Variants in ENPEP observed in about 807,000 individuals in gnomAD.
ENPEP encodes the protein glutamyl aminopeptidase, also known as AP-A.
A neutral mutation model predicts 114.5 loss-of-function variants in ENPEP; 103 were observed. The observed-to-expected ratio is 0.90, with a 90% CI of 0.77 to 1.06. The LOEUF (loss-of-function observed/expected upper bound fraction) is 1.06, where lower values mean the gene tolerates loss of function less well. Ranked by LOEUF, ENPEP falls within the 50% of genes least tolerant of loss-of-function variation. The pLI is 0.00. For missense variants in ENPEP, 1,196 were observed against 1,161.3 expected (o/e 1.03, Z -0.43); for synonymous variants, 420 against 422.0 (o/e 1.00, Z 0.06).
intron 18 of ENPEP, chr4:110,559,060 G>T (rs957494760): frequency 3.3e-5 from 5 of 152,404 alleles, no homozygotes; most frequent in African/African-American, 1.2e-4. Flanking sequence ...AAGGGCATGT[G>T]TGGGTAATTA....
rs750467613 is a variant in ENPEP at position 110,562,270 on chromosome 4, A to G, written c.*712A>G. On this transcript the variant is annotated 3_prime_UTR_variant, in exon 20 of 20. Transcript: ENST00000265162. The stretch of plus-strand genomic sequence containing the variant: ...TAAAAATAACTGCAGTGTTCCCCAA[A>G]TAATTTAACACATTGCAAATATGAT... The G allele has an allele frequency of 1.3e-5, 2 of 152,164 alleles. No individual in the cohort carries two copies. The highest frequency in any genetic ancestry group is 2.9e-5 in the Non-Finnish European group (2 of 68,004). 9.4% of individuals were successfully genotyped at this position (152,164 alleles called of 1,614,324 possible).
chr4:110,493,448 G>A (rs1724801104), intron 3 of ENPEP, among the ~76,000 whole-genome samples: 1 of 152,150 alleles, frequency 6.6e-6, no homozygotes, highest in South Asian at 2.1e-4. Flanking sequence ...ATCAACAGAA[G>A]CCAAATTCCC....
chr4:110,497,534 A>T (rs1578395571), intron 3 of ENPEP, among the ~76,000 whole-genome samples: 1 of 152,266 alleles, frequency 6.6e-6, no homozygotes, highest in East Asian at 1.9e-4. Context: ...TACTGCAGTA[A>T]TAATCACTAA....
Position 110,476,975 on chromosome 4 carries a change from C to A in ENPEP, c.561C>A (p.Leu187=). 6.2e-7 allele frequency: 1 copy of A among 1,614,204 alleles called. No individual in the cohort carries two copies. Among genetic ancestry groups the A allele is most frequent in the Non-Finnish European group, 8.5e-7 (1 of 1,180,034 alleles). The change falls in exon 1 of 20, where the codon CTC becomes CTA. Residue 187 remains leucine, a synonymous_variant. Transcript: ENST00000265162. ...CCAGCAGTGGAGATGGCCTGTATCT[C>A]CTGACCATGGAGTTCGCCGGCTGGC... is the stretch of plus-strand genomic sequence containing the variant. ...LTPSSGDGLY[L]LTMEFAGWLN... is the part of the protein sequence containing the mutation.
chr4:110,498,441 A>G (rs991315432), intron 3 of ENPEP, among the ~76,000 whole-genome samples: 3 of 152,180 alleles, frequency 2.0e-5, no homozygotes, highest in African/African-American at 7.2e-5. Context: ...TAGAGTGACC[A>G]TATAATTTAT....
rs943597235 is a variant in ENPEP, at chr4:110,553,245, T to G, written c.2502-70T>G. The G allele has an allele frequency of 2.2e-6, 3 of 1,362,146 alleles. No homozygotes were observed. The African/African-American group carries it at 4.3e-5, about 20-fold the overall frequency. 84.4% of individuals were successfully genotyped at this position (1,362,146 alleles called of 1,614,324 possible). ...AATTGCTGGCATGAAAACTATTTTGTATTGGAATTTAGCTAAGGGTGAACA... is the reference window on the plus strand; with the variant it reads ...AATTGCTGGCATGAAAACTATTTTGGATTGGAATTTAGCTAAGGGTGAACA... On this transcript the variant is annotated intron_variant, in intron 17 of 19. Transcript: ENST00000265162.
intron 18 of ENPEP, 136 bp downstream of exon 18, chr4:110,553,591 T>C: frequency 1.2e-6 from 1 of 826,942 alleles, no homozygotes; most frequent in East Asian, 2.9e-5. Flanking sequence ...AGGATCATGG[T>C]ATTATCCTTC....
intron 1 of ENPEP, 53 bp from the exon 2 acceptor site, chr4:110,488,488 G>A (rs1373240161): frequency 1.3e-6 from 2 of 1,528,924 alleles, no homozygotes; most frequent in Non-Finnish European, 8.8e-7. Context: ...GAGACATAGG[G>A]GTTGTCAGAA....
At chr4:110,484,056 A>T (rs1724410736) in intron 1 of ENPEP, among the ~76,000 whole-genome samples, 1 of 152,216 alleles carries the variant, frequency 6.6e-6, no homozygotes, top group African/African-American at 2.4e-5. Flanking sequence ...ATTTTGTTCC[A>T]GTATATATTG....
chr4:110,481,435 A>G (rs753944002), intron 1 of ENPEP, among the ~76,000 whole-genome samples: 1 of 152,006 alleles, frequency 6.6e-6, no homozygotes, highest in Non-Finnish European at 1.5e-5. Flanking sequence ...CTCTGTGACT[A>G]TGGATTCTTC....
chr4:110,493,614 C>T (rs1233893465), intron 3 of ENPEP, among the ~76,000 whole-genome samples: 1 of 152,122 alleles, frequency 6.6e-6, no homozygotes, highest in Admixed American at 6.6e-5. Flanking sequence ...TTGAACAGAA[C>T]CTAATGGGAG....
chr4:110,545,469 G>T (rs1727020812), intron 13 of ENPEP, among the ~76,000 whole-genome samples: 1 of 151,948 alleles, frequency 6.6e-6, no homozygotes, highest in Non-Finnish European at 1.5e-5. Flanking sequence ...CTTAGGCCAG[G>T]TTCAGGCCAG....
Position 110,559,698 on chromosome 4 carries a change from A to C in ENPEP, c.2694A>C (p.Pro898=). ...GCCGAATTGTCACAATAGCAGAGCC[A>C]TTCAACACTGAACTGCAACTGTGGC... is the stretch of plus-strand genomic sequence containing the variant. ...NLGRIVTIAE[P]FNTELQLWQM... Residue 898 remains proline (P), a synonymous_variant, in exon 19 of 20, where the codon CCA becomes CCC. Coordinates refer to ENST00000265162, the MANE Select transcript of ENPEP (RefSeq NM_001977.4). 1.9e-6 allele frequency: 3 copies of C among 1,613,978 alleles called. No individual in the cohort carries two copies. The highest frequency in any genetic ancestry group is 1.7e-6 in the Non-Finnish European group (2 of 1,179,822).
chr4:110,488,858 T>C (rs1455648874), intron 2 of ENPEP, among the ~76,000 whole-genome samples, 176 bp downstream of exon 2: 1 of 152,190 alleles, frequency 6.6e-6, no homozygotes, highest in Non-Finnish European at 1.5e-5. Context: ...CCTAGAAGTC[T>C]GTAAGGTATC....
chr4:110,503,239 GTTTTC>G (rs1725233068), intron 3 of ENPEP, among the ~76,000 whole-genome samples: 1 of 152,142 alleles, frequency 6.6e-6, no homozygotes, highest in African/African-American at 2.4e-5. Context: ...TGAACTGGAT[GTTTTC>G]TTTATTTTTG....
chr4:110,509,215 A>G (rs1319889209), intron 4 of ENPEP, among the ~76,000 whole-genome samples: 5 of 152,250 alleles, frequency 3.3e-5, no homozygotes, highest in African/African-American at 1.2e-4. Flanking sequence ...GAATTAGAGA[A>G]AAATGGAGTT....
At position 110,548,262 on chromosome 4, in the gene ENPEP, T is replaced by A; in HGVS notation, c.2087T>A (p.Ile696Asn). ...EENFLPWQRV[I>N]SAVTYIISMF... Reference sequence around the variant, plus strand: ...AATTTTTTACCATGGCAGAGAGTAATTTCAGCTGTAACCTACATCATTAGC... The same window carrying A: ...AATTTTTTACCATGGCAGAGAGTAAATTCAGCTGTAACCTACATCATTAGC... Residue 696 changes from isoleucine to asparagine, a missense_variant, in exon 14 of 20, where the codon ATT (isoleucine) becomes AAT (asparagine). Ile to Asn is a moderately radical substitution (Grantham distance 149). Coordinates refer to ENST00000265162, the MANE Select transcript of ENPEP (RefSeq NM_001977.4). The A allele has an allele frequency of 6.2e-7, 1 of 1,605,780 alleles. No individual in the cohort carries two copies. The highest frequency in any genetic ancestry group is 2.2e-5 in the East Asian group (1 of 44,478).
chr4:110,548,207 A>G lies in ENPEP; in HGVS notation c.2032A>G (p.Asn678Asp). The change falls in exon 14 of 20, where the codon AAC becomes GAC. Residue 678 changes from asparagine to aspartate, a missense_variant. Coordinates refer to ENST00000265162, the MANE Select transcript of ENPEP (RefSeq NM_001977.4). ...AQLLDYKVAL[N>D]LTKYLKREEN... ...ACTTCTAGATTATAAGGTGGCTTTG[A>G]ACTTGACCAAGTATCTCAAAAGGGA... 6.5e-7 allele frequency: 1 copy of G among 1,527,306 alleles called. No homozygotes were observed. The highest frequency in any genetic ancestry group is 8.8e-7 in the Non-Finnish European group (1 of 1,132,614). The allele number at this position is 1,527,306 out of a possible 1,614,324, so 94.6% of individuals were successfully genotyped here. A position where few individuals can be genotyped will look rare whatever the true frequency, so the allele number is the denominator to read the frequency against.
At chr4:110,514,057 A>G (rs1159190604) in intron 7 of ENPEP, among the ~76,000 whole-genome samples, 2 of 152,146 alleles carry the variant, frequency 1.3e-5, no homozygotes, top group African/African-American at 2.4e-5. Flanking sequence ...CTTCACTAAT[A>G]TTTTATGAAA....
Sources: allele counts gnomAD v4.1 joint callset (sites outside exome capture counted in the v4.1 genomes callset), GRCh38; gene constraint gnomAD v4.1.1; transcripts MANE v1.5; gene names NCBI Gene and HGNC (gene_info 2026-07-23, HGNC 2026-07-21).